NHS: variants seen among roughly 807,000 people sequenced by gnomAD.
NHS encodes the protein NHS actin remodeling regulator.
NHS carries 5 observed loss-of-function variants against 72.5 expected under a neutral mutation model. That is an observed-to-expected ratio of 0.07 (90% CI 0.04 to 0.14). The LOEUF is 0.14. Ranked by LOEUF, NHS falls within the 10% of genes least tolerant of loss-of-function variation. NHS has a pLI of 1.00. For missense variants in NHS, 1,072 were observed against 1,355.7 expected (o/e 0.79, Z 3.29); for synonymous variants, 464 against 547.7 (o/e 0.85, Z 2.13).
At chrX:17,625,548 G>A (rs2065794105) in intron 1 of NHS, among the ~76,000 whole-genome samples, 1 of 111,876 alleles carries the variant, frequency 8.9e-6, no homozygotes, top group African/African-American at 3.2e-5. Context: ...CTTCTTAGCT[G>A]ATTAAAAACC....
At chrX:17,652,738 A>G (rs2065936306) in intron 1 of NHS, among the ~76,000 whole-genome samples, 1 of 112,069 alleles carries the variant, frequency 8.9e-6, no homozygotes, top group Non-Finnish European at 1.9e-5. Flanking sequence ...AGGATTTTGA[A>G]TATTTCCAAC....
At chrX:17,635,731 A>G (rs753891005) in intron 1 of NHS, 1 of 698,638 alleles carries the variant, frequency 1.4e-6, no homozygotes, top group African/African-American at 2.2e-5. Context: ...AATGAAAGTG[A>G]GCCCTTTCAC....
At chrX:17,624,553 C>T (rs924493175) in intron 1 of NHS, among the ~76,000 whole-genome samples, 2 of 113,210 alleles carry the variant, frequency 1.8e-5, no homozygotes, top group Non-Finnish European at 3.7e-5. Context: ...AATCACACAA[C>T]ATGTACTCTT....
intron 1 of NHS, among the ~76,000 whole-genome samples, chrX:17,639,877 A>G (rs2065872606): frequency 8.9e-6 from 1 of 112,041 alleles, no homozygotes; most frequent in Non-Finnish European, 1.9e-5. Context: ...GGAGGAACCA[A>G]CTCTTTCTTG....
At chrX:17,478,516 T>A (rs1345515325) in intron 1 of NHS, among the ~76,000 whole-genome samples, 2 of 111,808 alleles carry the variant, frequency 1.8e-5, no homozygotes, top group Admixed American at 1.9e-4. Context: ...CTTTTACTAG[T>A]GTAGTTTATG....
At chrX:17,644,711 G>T (rs2065897901) in intron 1 of NHS, among the ~76,000 whole-genome samples, 1 of 110,814 alleles carries the variant, frequency 9.0e-6, no homozygotes, top group Non-Finnish European at 1.9e-5. Flanking sequence ...TTTTTTCATA[G>T]TTGCATGCCT....
intron 1 of NHS, among the ~76,000 whole-genome samples, chrX:17,538,227 G>A (rs867982855): frequency 3.6e-5 from 4 of 112,055 alleles, no homozygotes; most frequent in African/African-American, 1.3e-4. Flanking sequence ...TTTCAGGTGC[G>A]GGAGCTGAGA....
At chrX:17,606,157 C>G (rs2065677893) in intron 1 of NHS, among the ~76,000 whole-genome samples, 2 of 111,902 alleles carry the variant, frequency 1.8e-5, no homozygotes, top group Admixed American at 9.5e-5. Flanking sequence ...TGCTTCTTGT[C>G]TGTTTGCACC....
At chrX:17,697,638 T>C (rs770028211) in intron 3 of NHS, among the ~76,000 whole-genome samples, 1 of 111,860 alleles carries the variant, frequency 8.9e-6, no homozygotes, top group Non-Finnish European at 1.9e-5. Context: ...ATGGGTAGCA[T>C]ACATTTTAAT....
intron 1 of NHS, among the ~76,000 whole-genome samples, chrX:17,406,454 A>G (rs976115065): frequency 9.0e-6 from 1 of 111,003 alleles, no homozygotes; most frequent in South Asian, 3.9e-4. Flanking sequence ...ATCCTCCCCT[A>G]TGTTTACATC....
At chrX:17,397,163 C>T (rs1463822932) in intron 1 of NHS, among the ~76,000 whole-genome samples, 1 of 112,861 alleles carries the variant, frequency 8.9e-6, no homozygotes, top group Non-Finnish European at 1.9e-5. Context: ...GGGCTTCCTG[C>T]TTTCAGCACA....
At chrX:17,731,224 CTTTTTTTT>C (rs142686353) in intron 8 of NHS, among the ~76,000 whole-genome samples, 31 of 34,847 alleles carry the variant, frequency 8.9e-4, no homozygotes, top group African/African-American at 3.3e-3. Flanking sequence ...TAGTTTCTTC[CTTTTTTTT>C]TTTTTTTTTT....
At position 17,541,767 on chromosome X, in the gene NHS, A is replaced by AACACACACACACACACACACACACAC. The variant is rs57700886; in HGVS notation, c.566-145952_566-145927dup. 8.4e-4 allele frequency among the ~76,000 whole-genome samples: 53 copies of AACACACACACACACACACACACACAC among 62,918 alleles called. 1 individual carries two copies. The highest frequency in any genetic ancestry group is 1.1e-3 in the East Asian group (2 of 1,778). The allele number at this position is 62,918 out of a possible 115,157, so 54.6% of individuals were successfully genotyped here. On this transcript the variant is annotated intron_variant, in intron 1 of 8. Coordinates refer to ENST00000676302, the MANE Select transcript of NHS (RefSeq NM_001291867.2). ...AGAGCCCAAGGTATCTGAGTTTGCG[A>AACACACACACACACACACACACACAC]ACACACACACACACACACACACACA...
chrX:17,717,962 C>T (rs749449948), intron 3 of NHS, among the ~76,000 whole-genome samples: 1 of 111,973 alleles, frequency 8.9e-6, no homozygotes, highest in African/African-American at 3.2e-5. Flanking sequence ...TAAAACATAA[C>T]AAAGTTACAG....
intron 1 of NHS, among the ~76,000 whole-genome samples, chrX:17,592,183 T>A (rs766907801): frequency 9.8e-5 from 11 of 112,541 alleles, no homozygotes; most frequent in Non-Finnish European, 1.7e-4. Flanking sequence ...CTTCTGTGTC[T>A]TTTGTACTTC....
chrX:17,493,977 C>T (rs1160695264), intron 1 of NHS, among the ~76,000 whole-genome samples: 1 of 109,682 alleles, frequency 9.1e-6, no homozygotes, highest in Non-Finnish European at 1.9e-5. Flanking sequence ...TCAGTTTCCT[C>T]ATCTGAAAGG....
At chrX:17,627,197 G>C (rs933285451) in intron 1 of NHS, among the ~76,000 whole-genome samples, 1 of 112,250 alleles carries the variant, frequency 8.9e-6, no homozygotes, top group African/African-American at 3.2e-5. Flanking sequence ...AAATCTAAAA[G>C]GAACTGGAAA....
At chrX:17,441,324 A>G (rs751756414) in intron 1 of NHS, among the ~76,000 whole-genome samples, 2 of 112,088 alleles carry the variant, frequency 1.8e-5, no homozygotes, top group South Asian at 7.5e-4. Context: ...CAGGTCAGTC[A>G]TCCAGTAAGA....
intron 1 of NHS, among the ~76,000 whole-genome samples, chrX:17,493,253 C>T (rs918769715): frequency 1.8e-5 from 2 of 111,495 alleles, no homozygotes; most frequent in Admixed American, 9.5e-5. Flanking sequence ...TGGGCCATTA[C>T]GTATTTGTGG....
Sources: allele counts gnomAD v4.1 joint callset (sites outside exome capture counted in the v4.1 genomes callset), GRCh38; gene constraint gnomAD v4.1.1; transcripts MANE v1.5; gene names NCBI Gene and HGNC (gene_info 2026-07-23, HGNC 2026-07-21).